The following MAP4K4 variants were observed in gnomAD, a reference collection of about 807,000 sequenced individuals.
The protein encoded by MAP4K4 is mitogen-activated protein kinase kinase kinase kinase 4.
In MAP4K4, 38 loss-of-function variants were observed where a neutral mutation model predicts 189.6. That is an observed-to-expected ratio of 0.20 (90% confidence interval 0.15 to 0.26). MAP4K4 has a LOEUF of 0.26. MAP4K4 is among the 10% of genes least tolerant of loss of function. MAP4K4 has a pLI of 1.00. For synonymous variants in MAP4K4, 610 were observed against 624.3 expected (o/e 0.98, Z 0.34); for missense variants, 1,054 against 1,726.9 (o/e 0.61, Z 6.91).
intron 2 of MAP4K4, among the ~76,000 whole-genome samples, chr2:101,784,933 A>G (rs1249124176): frequency 6.6e-6 from 1 of 152,146 alleles, no homozygotes; most frequent in Non-Finnish European, 1.5e-5. Flanking sequence ...GGATAATGAT[A>G]CTTGCATTGT....
intron 10 of MAP4K4, 110 bp downstream of exon 10, chr2:101,840,104 C>T: frequency 9.5e-7 from 1 of 1,053,026 alleles, no homozygotes. Context: ...TTGGCCAGTG[C>T]TTGCATGGTT....
chr2:101,880,255 A>C (rs924364878), intron 27 of MAP4K4, among the ~76,000 whole-genome samples: 1 of 152,226 alleles, frequency 6.6e-6, no homozygotes, highest in Non-Finnish European at 1.5e-5. Flanking sequence ...GTATCTAAAA[A>C]GTCATTGCCA....
At chr2:101,842,331 C>G (rs996755651) in intron 10 of MAP4K4, among the ~76,000 whole-genome samples, 1 of 152,146 alleles carries the variant, frequency 6.6e-6, no homozygotes, top group Non-Finnish European at 1.5e-5. Context: ...GATCCCCTCT[C>G]GTGGTCCTGC....
chr2:101,842,860 A>G (rs982977029), intron 11 of MAP4K4, among the ~76,000 whole-genome samples, 179 bp downstream of exon 11: 4 of 152,120 alleles, frequency 2.6e-5, no homozygotes, highest in African/African-American at 7.2e-5. Context: ...TCTTCCCTGG[A>G]TCCTCTTACC....
intron 12 of MAP4K4, among the ~76,000 whole-genome samples, chr2:101,851,743 TTTTTTTTTTTTTTG>T (rs1423425632): frequency 2.2e-5 from 2 of 91,816 alleles, no homozygotes; most frequent in Non-Finnish European, 4.5e-5. Context: ...TTTTTTTTTT[TTTTTTTTTTTTTTG>T]CCTTAGCTAT....
At chr2:101,705,473 C>G (rs1291121417) in intron 2 of MAP4K4, among the ~76,000 whole-genome samples, 3 of 152,172 alleles carry the variant, frequency 2.0e-5, no homozygotes, top group Admixed American at 6.5e-5. Context: ...TTTTAAGTGG[C>G]TCAACCTCAT....
chr2:101,770,569 G>T (rs147775405), intron 2 of MAP4K4, among the ~76,000 whole-genome samples: 2 of 152,060 alleles, frequency 1.3e-5, no homozygotes, highest in African/African-American at 2.4e-5. Context: ...GAACCACTGC[G>T]CCCCCTGGCC....
chr2:101,840,145 G>A, intron 10 of MAP4K4, 151 bp downstream of exon 10: 1 of 316,896 alleles, frequency 3.2e-6, no homozygotes, highest in Non-Finnish European at 4.6e-6. Flanking sequence ...CTTAGGCCTG[G>A]GGTCCAGTCT....
chr2:101,867,529 G>C (rs1295615947), intron 20 of MAP4K4: 1 of 502,460 alleles, frequency 2.0e-6, no homozygotes, highest in Non-Finnish European at 3.5e-6. Context: ...CCTTTTTTCT[G>C]TTGTTCCAGC....
intron 1 of MAP4K4, 29 bp from the exon 2 acceptor site, chr2:101,698,444 T>A (rs756421526): frequency 6.3e-7 from 1 of 1,598,794 alleles, no homozygotes; most frequent in East Asian, 2.2e-5. Flanking sequence ...TTCTTTTAAA[T>A]GATAACCCCT....
chr2:101,871,752 C>T (rs1209255350), intron 24 of MAP4K4, 67 bp downstream of exon 24: 1 of 1,406,164 alleles, frequency 7.1e-7, no homozygotes. Flanking sequence ...AGTTAGTTTG[C>T]AAAGGAGACC....
chr2:101,859,854 G>T (rs781410462), exon 15 of MAP4K4: 5 of 1,600,960 alleles, frequency 3.1e-6, no homozygotes, highest in Non-Finnish European at 4.3e-6. Flanking sequence ...CCTGCTGACC[G>T]AGCGCGAGAG....
intron 2 of MAP4K4, among the ~76,000 whole-genome samples, chr2:101,766,551 G>A (rs1270421950): frequency 1.3e-5 from 2 of 151,818 alleles, no homozygotes; most frequent in East Asian, 1.9e-4. Context: ...TAATTTTGGA[G>A]GAAGTAAACC....
At chr2:101,871,068 A>G (rs1215791622) in intron 23 of MAP4K4, among the ~76,000 whole-genome samples, 3 of 152,176 alleles carry the variant, frequency 2.0e-5, no homozygotes, top group African/African-American at 7.2e-5. Context: ...CCTATTTAGT[A>G]TTTTGGACTT....
chr2:101,801,598 A>G (rs1203971440), intron 3 of MAP4K4, among the ~76,000 whole-genome samples: 1 of 152,192 alleles, frequency 6.6e-6, no homozygotes, highest in Non-Finnish European at 1.5e-5. Flanking sequence ...ACTGCATTCT[A>G]GGTACAGTGA....
intron 2 of MAP4K4, among the ~76,000 whole-genome samples, chr2:101,712,375 T>C (rs1425615792): frequency 6.6e-6 from 1 of 152,034 alleles, no homozygotes; most frequent in Non-Finnish European, 1.5e-5. Flanking sequence ...TTTGTATTTT[T>C]AGTAGAGACG....
intron 23 of MAP4K4, among the ~76,000 whole-genome samples, chr2:101,870,852 CA>C (rs1378602469): frequency 1.3e-5 from 2 of 152,196 alleles, no homozygotes; most frequent in African/African-American, 4.8e-5. Context: ...CGAGCCTCAT[CA>C]CAGGCCCAGA....
intron 10 of MAP4K4, 51 bp from the exon 11 acceptor site, chr2:101,842,558 G>C: frequency 7.5e-7 from 1 of 1,338,186 alleles, no homozygotes; most frequent in Non-Finnish European, 1.0e-6. Context: ...CTGAACAGGC[G>C]TGTGTCAGGA....
At chr2:101,885,632 T>C (rs2098469407) in intron 29 of MAP4K4, among the ~76,000 whole-genome samples, 1 of 152,240 alleles carries the variant, frequency 6.6e-6, no homozygotes, top group Non-Finnish European at 1.5e-5. Context: ...GTGTTTTTGA[T>C]AACAAAACTG....
Sources: allele counts gnomAD v4.1 joint callset (sites outside exome capture counted in the v4.1 genomes callset), GRCh38; gene constraint gnomAD v4.1.1; transcripts MANE v1.5; gene names NCBI Gene and HGNC (gene_info 2026-07-23, HGNC 2026-07-21).